The following KLHDC4 variants were observed in gnomAD, a reference collection of about 807,000 sequenced individuals.
KLHDC4 encodes kelch domain containing 4.
In KLHDC4, 90 loss-of-function variants were observed where a neutral mutation model predicts 62.4. The observed-to-expected ratio is 1.44, with a 90% CI of 1.22 to 1.72. The LOEUF is 1.72. Ranked by LOEUF, KLHDC4 falls within the 40% of genes most tolerant of loss-of-function variation. The pLI, the probability that KLHDC4 is intolerant of heterozygous loss-of-function variation, is 0.00. For missense variants in KLHDC4, 1,025 were observed against 699.7 expected (o/e 1.47, Z -5.25); for synonymous variants, 386 against 284.4 (o/e 1.36, Z -3.59).
intron 3 of KLHDC4, 44 bp downstream of exon 3, chr16:87,756,355 T>C (rs1567823327): frequency 7.3e-7 from 1 of 1,370,442 alleles, no homozygotes; most frequent in Admixed American, 1.7e-5. Context: ...TGTCAAATGA[T>C]ACTCACGCAA....
chr16:87,749,382 C>G (rs1287288533), intron 4 of KLHDC4, among the ~76,000 whole-genome samples: 1 of 151,812 alleles, frequency 6.6e-6, no homozygotes, highest in African/African-American at 2.4e-5. Flanking sequence ...GGTGAAACCC[C>G]ATCTCTACTA....
At chr16:87,765,089 G>A (rs753578797) in intron 1 of KLHDC4, 1 of 455,814 alleles carries the variant, frequency 2.2e-6, no homozygotes, top group Non-Finnish European at 4.4e-6. Flanking sequence ...GTAAAGCCCA[G>A]GGAGCTGTGC....
intron 3 of KLHDC4, 197 bp from the exon 4 acceptor site, chr16:87,755,489 C>A: frequency 2.2e-6 from 1 of 459,336 alleles, no homozygotes. Flanking sequence ...CGAACGCCCA[C>A]CAGGCCCATC....
At chr16:87,747,019 CAA>C (rs2043138972) in intron 5 of KLHDC4, among the ~76,000 whole-genome samples, 1 of 152,230 alleles carries the variant, frequency 6.6e-6, no homozygotes. Flanking sequence ...GCTGCCGGCC[CAA>C]GAGAGGGGCC....
At chr16:87,730,484 C>A (rs2040152330) in intron 6 of KLHDC4, 68 bp downstream of exon 6, 4 of 1,285,568 alleles carry the variant, frequency 3.1e-6, no homozygotes, top group Non-Finnish European at 4.4e-6. Context: ...ATTCAGAATG[C>A]TCTTTCTATA....
chr16:87,750,642 G>A (rs913094315), intron 4 of KLHDC4, among the ~76,000 whole-genome samples: 28 of 152,202 alleles, frequency 1.8e-4, no homozygotes, highest in Admixed American at 6.5e-4. Flanking sequence ...GTGCGCCTCG[G>A]GTGGGGCAGA....
At chr16:87,730,117 C>A (rs1400781215) in intron 6 of KLHDC4, among the ~76,000 whole-genome samples, 2 of 152,182 alleles carry the variant, frequency 1.3e-5, no homozygotes, top group Non-Finnish European at 2.9e-5. Context: ...CCACGCCTGG[C>A]CAATTTTTGT....
At chr16:87,720,722 T>G (rs1181690937) in intron 7 of KLHDC4, among the ~76,000 whole-genome samples, 1 of 152,222 alleles carries the variant, frequency 6.6e-6, no homozygotes, top group Non-Finnish European at 1.5e-5. Flanking sequence ...ACCCTGTCGG[T>G]TACGGTTAGC....
At chr16:87,740,136 A>T (rs1393361878) in intron 5 of KLHDC4, among the ~76,000 whole-genome samples, 1 of 152,164 alleles carries the variant, frequency 6.6e-6, no homozygotes, top group Admixed American at 6.5e-5. Flanking sequence ...CAGGAAGAGA[A>T]GGTGGCAAGT....
chr16:87,745,221 T>C (rs2042864227), intron 5 of KLHDC4, among the ~76,000 whole-genome samples: 1 of 152,230 alleles, frequency 6.6e-6, no homozygotes, highest in Non-Finnish European at 1.5e-5. Flanking sequence ...TGCCCAGCAC[T>C]GCTCTCACAA....
intron 5 of KLHDC4, among the ~76,000 whole-genome samples, chr16:87,744,921 A>G (rs921115170): frequency 1.3e-5 from 2 of 152,170 alleles, no homozygotes; most frequent in Non-Finnish European, 2.9e-5. Context: ...ATGCATACAC[A>G]GGCATAGACA....
At chr16:87,719,380 G>A (rs2037790727) in intron 7 of KLHDC4, among the ~76,000 whole-genome samples, 1 of 152,176 alleles carries the variant, frequency 6.6e-6, no homozygotes, top group African/African-American at 2.4e-5. Flanking sequence ...CCAACCCTGT[G>A]CTCTCTGAAA....
chr16:87,708,396 C>G lies in KLHDC4; in HGVS notation c.1518G>C (p.Gly506=). Residue 506 remains glycine (G), a synonymous_variant, in exon 11 of 12, where the codon GGG becomes GGC. Transcript: ENST00000270583. ...CCTCTCCGCTGTCTTCGTCGTCGAC[C>G]CCACCCTCGGCGCCCTCAACCTCCT... ...DSEEVEGAEG[G]VDDEDSGEES... is the part of the protein sequence containing the mutation. 6.2e-7 allele frequency: 1 copy of G among 1,611,744 alleles called. No homozygotes were observed. The highest frequency in any genetic ancestry group is 8.5e-7 in the Non-Finnish European group (1 of 1,179,458).
intron 5 of KLHDC4, among the ~76,000 whole-genome samples, chr16:87,732,351 CT>C (rs1567734991): frequency 6.6e-6 from 1 of 152,110 alleles, no homozygotes; most frequent in Non-Finnish European, 1.5e-5. Context: ...CTGCCTCGGC[CT>C]CCCAAAGTGC....
chr16:87,752,360 A>ATC (rs979548302), intron 4 of KLHDC4, among the ~76,000 whole-genome samples: 4 of 145,776 alleles, frequency 2.7e-5, no homozygotes, highest in Non-Finnish European at 6.0e-5. Flanking sequence ...TTTTGGAGAC[A>ATC]GAGTCTCGCT....
chr16:87,762,502 T>G (rs1258606275), intron 1 of KLHDC4, among the ~76,000 whole-genome samples: 5 of 152,258 alleles, frequency 3.3e-5, no homozygotes, highest in Admixed American at 6.5e-5. Flanking sequence ...CCGTCACGCC[T>G]GCCTGCCTTC....
intron 4 of KLHDC4, among the ~76,000 whole-genome samples, chr16:87,749,273 G>C (rs1325045847): frequency 1.3e-5 from 2 of 152,092 alleles, no homozygotes; most frequent in Non-Finnish European, 2.9e-5. Context: ...AAGTGTTTAT[G>C]TGCCAGGCGC....
At chr16:87,758,842 TG>T (rs1366697444) in intron 2 of KLHDC4, among the ~76,000 whole-genome samples, 6 of 152,214 alleles carry the variant, frequency 3.9e-5, no homozygotes, top group African/African-American at 1.4e-4. Flanking sequence ...CACAGCGACA[TG>T]AAGTAATTCC....
intron 5 of KLHDC4, among the ~76,000 whole-genome samples, chr16:87,748,167 C>G (rs1317690885): frequency 6.6e-6 from 1 of 152,186 alleles, no homozygotes; most frequent in African/African-American, 2.4e-5. Flanking sequence ...ATCAGAAACC[C>G]CATCAGCAAC....
Sources: allele counts gnomAD v4.1 joint callset (sites outside exome capture counted in the v4.1 genomes callset), GRCh38; gene constraint gnomAD v4.1.1; transcripts MANE v1.5; gene names NCBI Gene and HGNC (gene_info 2026-07-23, HGNC 2026-07-21).